The following DMRT1 variants were observed in gnomAD, a reference collection of about 807,000 sequenced individuals.
DMRT1 encodes the protein doublesex- and mab-3-related transcription factor 1.
In DMRT1, 7 loss-of-function variants were observed where a neutral mutation model predicts 32.3. The ratio of observed to expected loss-of-function variants is 0.22; its 90% CI spans 0.12 to 0.41. The LOEUF is 0.41. Ranked by LOEUF, DMRT1 falls within the 10% of genes least tolerant of loss-of-function variation. The pLI, the probability that DMRT1 is intolerant of heterozygous loss-of-function variation, is 1.00. For missense variants in DMRT1, 625 were observed against 500.5 expected, an observed-to-expected ratio of 1.25 and a Z score of -2.37; for synonymous variants, 278 against 206.1, an observed-to-expected ratio of 1.35 and a Z score of -2.99.
At chr9:932,896 C>G (rs1433285615) in intron 4 of DMRT1, among the ~76,000 whole-genome samples, 1 of 151,782 alleles carries the variant, frequency 6.6e-6, no homozygotes, top group Non-Finnish European at 1.5e-5. Context: ...TATCTCCGTG[C>G]TCTTTGAGAT....
At chr9:888,912 A>T (rs1817035570) in intron 2 of DMRT1, among the ~76,000 whole-genome samples, 1 of 151,334 alleles carries the variant, frequency 6.6e-6, no homozygotes, top group Admixed American at 6.6e-5. Context: ...GGATATCTTG[A>T]GCCCAGGAGT....
chr9:908,342 T>C (rs1817851883), intron 3 of DMRT1, among the ~76,000 whole-genome samples: 1 of 152,072 alleles, frequency 6.6e-6, no homozygotes, highest in Non-Finnish European at 1.5e-5. Context: ...CCTGTAGTTC[T>C]AGCTACTCAG....
intron 4 of DMRT1, among the ~76,000 whole-genome samples, chr9:923,037 G>T (rs994682332): frequency 2.0e-5 from 3 of 152,196 alleles, no homozygotes; most frequent in African/African-American, 7.2e-5. Context: ...TCGTGGACCA[G>T]GGAGTCTAGC....
At chr9:855,294 G>A (rs200377363) in intron 2 of DMRT1, among the ~76,000 whole-genome samples, 2 of 50,762 alleles carry the variant, frequency 3.9e-5, no homozygotes, top group Non-Finnish European at 7.8e-5. Context: ...GCCAGGAAAC[G>A]TAAATACAGG....
chr9:902,020 C>T (rs768391640), intron 3 of DMRT1, among the ~76,000 whole-genome samples: 1 of 151,220 alleles, frequency 6.6e-6, no homozygotes, highest in African/African-American at 2.4e-5. Flanking sequence ...AGCGGTTCTC[C>T]TGCCTCAGCG....
intron 2 of DMRT1, among the ~76,000 whole-genome samples, chr9:881,065 G>A (rs576553897): frequency 5.3e-5 from 8 of 152,202 alleles, no homozygotes; most frequent in African/African-American, 1.7e-4. Context: ...AGGCTGTCAC[G>A]CAAAGTGGTC....
At chr9:871,721 G>C (rs1042085538) in intron 2 of DMRT1, among the ~76,000 whole-genome samples, 2 of 149,114 alleles carry the variant, frequency 1.3e-5, no homozygotes, top group South Asian at 4.2e-4. Flanking sequence ...TGATTCGCCC[G>C]CCTCGGCCTC....
In DMRT1 at chr9:968,207, T is replaced by G; in HGVS notation, c.*68T>G. On this transcript the variant is annotated 3_prime_UTR_variant, in exon 5 of 5. Coordinates refer to ENST00000382276, the MANE Select transcript of DMRT1 (RefSeq NM_021951.3). ...TTATTCCACTTTCCATGGGGTTTGT[T>G]AATATTTTGCATTGACTCATACTAT... 6.3e-7 allele frequency: 1 copy of G among 1,585,318 alleles called. No individual in the cohort carries two copies. The highest frequency in any genetic ancestry group is 1.1e-5 in the South Asian group (1 of 88,794).
chr9:843,762 C>G (rs1236819727), intron 1 of DMRT1, among the ~76,000 whole-genome samples: 5 of 152,186 alleles, frequency 3.3e-5, no homozygotes, highest in Non-Finnish European at 5.9e-5. Flanking sequence ...TAAATATCCT[C>G]CATTGAAAAC....
chr9:912,173 T>C (rs1818013525), intron 3 of DMRT1, among the ~76,000 whole-genome samples: 1 of 152,160 alleles, frequency 6.6e-6, no homozygotes, highest in Non-Finnish European at 1.5e-5. Context: ...CCAAACACTT[T>C]TAAAGCATCA....
chr9:915,803 G>C (rs1041766061), intron 3 of DMRT1, among the ~76,000 whole-genome samples: 1 of 151,496 alleles, frequency 6.6e-6, no homozygotes, highest in Non-Finnish European at 1.5e-5. Flanking sequence ...CGCGATCTCG[G>C]CTCAGTACAA....
chr9:906,401 C>T (rs923481932), intron 3 of DMRT1, among the ~76,000 whole-genome samples: 2 of 152,224 alleles, frequency 1.3e-5, no homozygotes, highest in African/African-American at 4.8e-5. Flanking sequence ...TTTCTGACAG[C>T]TCATGTGTGA....
intron 2 of DMRT1, among the ~76,000 whole-genome samples, chr9:862,250 G>A (rs927457173): frequency 2.0e-5 from 3 of 152,080 alleles, no homozygotes; most frequent in South Asian, 2.1e-4. Flanking sequence ...CTGCACTCCC[G>A]GCACCTCGGG....
At chr9:888,416 C>A (rs1817014935) in intron 2 of DMRT1, among the ~76,000 whole-genome samples, 1 of 151,966 alleles carries the variant, frequency 6.6e-6, no homozygotes, top group Non-Finnish European at 1.5e-5. Flanking sequence ...AGTGATTCTC[C>A]TTCCTCAGCC....
At chr9:865,405 G>A (rs1179080111) in intron 2 of DMRT1, among the ~76,000 whole-genome samples, 2 of 151,940 alleles carry the variant, frequency 1.3e-5, no homozygotes, top group Admixed American at 6.6e-5. Context: ...AGAATTGTTA[G>A]AGTGCTCATT....
intron 2 of DMRT1, among the ~76,000 whole-genome samples, chr9:855,594 G>T (rs1345605273): frequency 6.6e-6 from 1 of 152,202 alleles, no homozygotes; most frequent in East Asian, 1.9e-4. Flanking sequence ...GTACATTTTT[G>T]TTCTGTGATA....
chr9:945,244 C>T (rs553838717), intron 4 of DMRT1, among the ~76,000 whole-genome samples: 1 of 152,120 alleles, frequency 6.6e-6, no homozygotes, highest in African/African-American at 2.4e-5. Context: ...ACCTCTGCCT[C>T]CCAGGTTCAA....
intron 2 of DMRT1, among the ~76,000 whole-genome samples, chr9:847,863 G>A (rs1838971896): frequency 6.6e-6 from 1 of 152,166 alleles, no homozygotes; most frequent in South Asian, 2.1e-4. Context: ...TGAAATAAAT[G>A]AAAACATTCG....
chr9:845,233 G>T (rs377569563), intron 1 of DMRT1, among the ~76,000 whole-genome samples: 1 of 151,450 alleles, frequency 6.6e-6, no homozygotes, highest in Non-Finnish European at 1.5e-5. Context: ...TTTTTGAGAC[G>T]GAGTCTTGCT....
Sources: gnomAD v4.1 joint callset for allele counts (sites outside exome capture counted in the v4.1 genomes callset) on GRCh38, gnomAD v4.1.1 for gene constraint, MANE v1.5 for transcripts, NCBI Gene and HGNC (gene_info 2026-07-23, HGNC 2026-07-21) for gene names.